Variants in GARIN5A observed in about 807,000 individuals in gnomAD.
The protein encoded by GARIN5A is Golgi-associated RAB2 interactor protein 5A.
chr19:50,471,936 GTGTAAGTATATATACATGTATGTA>G, the GARIN5A span, among the ~76,000 whole-genome samples: 1 of 147,712 alleles, frequency 6.8e-6, no homozygotes, highest in Non-Finnish European at 1.5e-5. Context: ...ACATGTATGT[GTGTAAGTATATATACATGTATGTA>G]TGTATATATA....
chr19:50,472,183 TATAC>T, the GARIN5A span, among the ~76,000 whole-genome samples: 23 of 141,182 alleles, frequency 1.6e-4, no homozygotes, highest in Non-Finnish European at 2.3e-4. Context: ...TATATGTATG[TATAC>T]ATGTATGTGT....
chr19:50,476,258 G>A, the GARIN5A span: 1 of 1,611,602 alleles, frequency 6.2e-7, no homozygotes, highest in Non-Finnish European at 8.5e-7. Context: ...GCGAGGGGGC[G>A]GGACTACGCG....
At chr19:50,469,765 C>A in the GARIN5A span, among the ~76,000 whole-genome samples, 1,066 of 152,224 alleles carry the variant, frequency 7.0e-3, 7 homozygotes, top group Non-Finnish European at 0.011. Context: ...CCAGCAGTAT[C>A]ACTGCCAGGA....
At chr19:50,476,095 G>A in the GARIN5A span, 3 of 1,611,290 alleles carry the variant, frequency 1.9e-6, no homozygotes, top group Non-Finnish European at 1.7e-6. Context: ...CCTTCACCAG[G>A]TCCAACCCCT....
chr19:50,467,355 C>G, the GARIN5A span, among the ~76,000 whole-genome samples: 17 of 152,020 alleles, frequency 1.1e-4, no homozygotes, highest in Admixed American at 3.3e-4. Context: ...CCCCATATCC[C>G]TGGGTCACCT....
At chr19:50,472,322 T>C in the GARIN5A span, among the ~76,000 whole-genome samples, 17 of 150,898 alleles carry the variant, frequency 1.1e-4, no homozygotes. Flanking sequence ...TATGTGTGTA[T>C]ATATATATCT....
At chr19:50,472,265 A>ATATGTATATATACATGTATGTGTG in the GARIN5A span, among the ~76,000 whole-genome samples, 1 of 115,580 alleles carries the variant, frequency 8.7e-6, no homozygotes, top group South Asian at 2.4e-4. Context: ...GTATGTGTGT[A>ATATGTATATATACATGTATGTGTG]TATATGTATA....
chr19:50,476,684 C>A, the GARIN5A span: 1 of 1,402,552 alleles, frequency 7.1e-7, no homozygotes, highest in Non-Finnish European at 9.5e-7. Context: ...CTGTGCATAG[C>A]GGGCGCGGTC....
At chr19:50,473,781 G>T in the GARIN5A span, among the ~76,000 whole-genome samples, 29 of 152,274 alleles carry the variant, frequency 1.9e-4, no homozygotes, top group South Asian at 5.8e-3. Flanking sequence ...GAGGTCAGGA[G>T]TTCGAGACCA....
At chr19:50,475,320 G>A in the GARIN5A span, 1 of 1,580,282 alleles carries the variant, frequency 6.3e-7, no homozygotes, top group South Asian at 1.1e-5. Context: ...GGTGGGGGCA[G>A]TTACCCGAAG....
the GARIN5A span, chr19:50,476,439 G>C: frequency 6.4e-7 from 1 of 1,550,692 alleles, no homozygotes; most frequent in Non-Finnish European, 8.7e-7. Context: ...CGCAGGTGCC[G>C]GGGCCCAGCG....
the GARIN5A span, chr19:50,475,216 T>G: frequency 7.0e-7 from 1 of 1,430,604 alleles, no homozygotes; most frequent in African/African-American, 1.4e-5. Flanking sequence ...CCGGTAGCAC[T>G]GCCAGCTCCT....
At chr19:50,472,627 G>T in the GARIN5A span, among the ~76,000 whole-genome samples, 1 of 152,108 alleles carries the variant, frequency 6.6e-6, no homozygotes, top group Non-Finnish European at 1.5e-5. Flanking sequence ...GGGCAAGGTG[G>T]GTCACACGTA....
the GARIN5A span, chr19:50,476,249 C>G: frequency 6.2e-7 from 1 of 1,612,916 alleles, no homozygotes; most frequent in Non-Finnish European, 8.5e-7. Flanking sequence ...AGGGAGAAAG[C>G]GAGGGGGCGG....
At chr19:50,476,630 G>C in the GARIN5A span, 2 of 1,551,442 alleles carry the variant, frequency 1.3e-6, no homozygotes, top group Admixed American at 1.9e-5. Context: ...CGGGGCAGCG[G>C]CTGCCGGGCC....
chr19:50,473,776 C>A, the GARIN5A span, among the ~76,000 whole-genome samples: 1 of 152,166 alleles, frequency 6.6e-6, no homozygotes, highest in African/African-American at 2.4e-5. Flanking sequence ...CACCTGAGGT[C>A]AGGAGTTCGA....
the GARIN5A span, among the ~76,000 whole-genome samples, chr19:50,474,024 G>C: frequency 6.6e-6 from 1 of 152,262 alleles, no homozygotes; most frequent in Non-Finnish European, 1.5e-5. Context: ...GAATGTTTCT[G>C]TACTGTAGGC....
the GARIN5A span, chr19:50,476,638 G>A: frequency 6.5e-7 from 1 of 1,544,892 alleles, no homozygotes. Context: ...CGGCTGCCGG[G>A]CCGGGACTGG....
the GARIN5A span, among the ~76,000 whole-genome samples, chr19:50,472,187 C>CTTGTGTATACGT: frequency 8.4e-6 from 1 of 119,110 alleles, no homozygotes; most frequent in Non-Finnish European, 1.7e-5. Flanking sequence ...TGTATGTATA[C>CTTGTGTATACGT]ATGTATGTGT....
Sources: gnomAD v4.1 joint callset for allele counts (sites outside exome capture counted in the v4.1 genomes callset) on GRCh38, gnomAD v4.1.1 for gene constraint, MANE v1.5 for transcripts, NCBI Gene and HGNC (gene_info 2026-07-23, HGNC 2026-07-21) for gene names.